DLGAP2: variants seen among roughly 807,000 people sequenced by gnomAD.
DLGAP2 encodes the protein disks large-associated protein 2.
In DLGAP2, 26 loss-of-function variants were observed where a neutral mutation model predicts 100.3. The observed-to-expected ratio is 0.26, with a 90% CI of 0.19 to 0.36. The LOEUF (loss-of-function observed/expected upper bound fraction) is 0.36. Among genes scored for constraint, DLGAP2 ranks in the 10% least tolerant of loss-of-function variants. The pLI is 1.00. For synonymous variants in DLGAP2, 886 were observed against 630.1 expected (o/e 1.41, Z -6.08); for missense variants, 1,858 against 1,453.2 (o/e 1.28, Z -4.53).
chr8:927,102 T>C, intron 2 of DLGAP2: 1 of 985,336 alleles, frequency 1.0e-6, no homozygotes, highest in Non-Finnish European at 1.2e-6. Context: ...GCCGGGATGG[T>C]AAAAGACTTC....
At chr8:1,436,967 G>A (rs894282195) in intron 3 of DLGAP2, among the ~76,000 whole-genome samples, 1 of 152,282 alleles carries the variant, frequency 6.6e-6, no homozygotes, top group African/African-American at 2.4e-5. Flanking sequence ...GGTGCAGCCT[G>A]GGAGCAGGAG....
At chr8:1,121,622 T>C (rs1796050369) in intron 2 of DLGAP2, among the ~76,000 whole-genome samples, 4 of 142,456 alleles carry the variant, frequency 2.8e-5, no homozygotes, top group Non-Finnish European at 3.1e-5. Context: ...ACTACCCATC[T>C]TCATCCCTTC....
intron 2 of DLGAP2, among the ~76,000 whole-genome samples, chr8:1,026,116 T>C (rs1407318821): frequency 1.3e-5 from 2 of 152,186 alleles, no homozygotes; most frequent in African/African-American, 4.8e-5. Context: ...GCTGCCAGTC[T>C]GGCGTCCTCG....
At chr8:781,850 A>T (rs1821695708) in intron 1 of DLGAP2, among the ~76,000 whole-genome samples, 1 of 152,154 alleles carries the variant, frequency 6.6e-6, no homozygotes, top group Admixed American at 6.5e-5. Flanking sequence ...TTGTGCTATA[A>T]TTTTTTGTTT....
intron 2 of DLGAP2, among the ~76,000 whole-genome samples, chr8:1,133,291 G>A (rs1796336294): frequency 6.6e-6 from 1 of 151,894 alleles, no homozygotes; most frequent in Non-Finnish European, 1.5e-5. Flanking sequence ...GAAAGTGGGG[G>A]GTTTCCAGTT....
chr8:1,392,806 TG>T (rs61213178), intron 3 of DLGAP2, among the ~76,000 whole-genome samples: 40,788 of 150,502 alleles, frequency 0.27, 5,657 homozygotes, highest in Middle Eastern at 0.35. Context: ...TTGAAACTCC[TG>T]GGCATCTGTG....
chr8:1,559,716 A>G lies in DLGAP2; in HGVS notation c.1231-5967A>G, dbSNP rs1802094997. 2.0e-5 allele frequency among the ~76,000 whole-genome samples: 3 copies of G among 152,224 alleles called. 1 individual carries two copies. The South Asian group carries it at 6.2e-4, about 32-fold the overall frequency. ...TGAATCTCTTCTTTGATGGCAGAGGAGCTGCTCTTCCATCTGCCACCAGCC... is the reference window on the plus strand; with the variant it reads ...TGAATCTCTTCTTTGATGGCAGAGGGGCTGCTCTTCCATCTGCCACCAGCC... On this transcript the variant is annotated intron_variant, in intron 5 of 14. Transcript: ENST00000637795.
At chr8:1,182,892 G>T (rs1797421390) in intron 2 of DLGAP2, among the ~76,000 whole-genome samples, 2 of 152,188 alleles carry the variant, frequency 1.3e-5, no homozygotes, top group African/African-American at 2.4e-5. Flanking sequence ...GCGGGGCTCA[G>T]GGGCACTCAG....
intron 8 of DLGAP2, among the ~76,000 whole-genome samples, chr8:1,637,825 G>C (rs1797804227): frequency 6.6e-6 from 1 of 152,156 alleles, no homozygotes; most frequent in Non-Finnish European, 1.5e-5. Context: ...CACACCTGCT[G>C]GGTGCTGTGA....
At chr8:1,030,658 C>CGGAATG (rs886594574) in intron 2 of DLGAP2, among the ~76,000 whole-genome samples, 6 of 152,174 alleles carry the variant, frequency 3.9e-5, no homozygotes, top group African/African-American at 1.4e-4. Context: ...TAGAACAATC[C>CGGAATG]GGAATGTGGG....
chr8:1,177,308 A>G (rs75260112), intron 2 of DLGAP2, among the ~76,000 whole-genome samples: 273 of 151,950 alleles, frequency 1.8e-3, no homozygotes, highest in African/African-American at 6.1e-3. Flanking sequence ...TTCTTGGAGT[A>G]TTTTTTGCTC....
chr8:1,434,538 A>G (rs188088190), intron 3 of DLGAP2, among the ~76,000 whole-genome samples: 132 of 152,096 alleles, frequency 8.7e-4, no homozygotes, highest in African/African-American at 3.0e-3. Flanking sequence ...GGGCAGTGGT[A>G]CAATCTTGGC....
intron 8 of DLGAP2, among the ~76,000 whole-genome samples, chr8:1,646,439 C>T (rs1319009384): frequency 3.9e-5 from 6 of 152,130 alleles, no homozygotes; most frequent in Non-Finnish European, 7.3e-5. Flanking sequence ...ATATCTCTAT[C>T]GTCTGTCCAT....
chr8:1,234,623 G>C (rs528769207), intron 2 of DLGAP2, among the ~76,000 whole-genome samples: 1 of 152,276 alleles, frequency 6.6e-6, no homozygotes, highest in South Asian at 2.1e-4. Context: ...GTTCTAGATG[G>C]TTTCAGCTCT....
At chr8:820,575 A>G (rs1327893672) in intron 1 of DLGAP2, among the ~76,000 whole-genome samples, 1 of 152,214 alleles carries the variant, frequency 6.6e-6, no homozygotes, top group African/African-American at 2.4e-5. Context: ...AGGTCCCCAG[A>G]CTCTAGGAAA....
intron 3 of DLGAP2, among the ~76,000 whole-genome samples, chr8:1,447,110 C>A (rs1020118626): frequency 1.3e-5 from 2 of 152,216 alleles, no homozygotes; most frequent in Non-Finnish European, 2.9e-5. Flanking sequence ...ATTGCCCTGG[C>A]CAGAACTTCC....
intron 2 of DLGAP2, among the ~76,000 whole-genome samples, chr8:1,208,815 G>A (rs932059946): frequency 2.6e-5 from 4 of 151,566 alleles, no homozygotes; most frequent in African/African-American, 4.8e-5. Context: ...CAATAGTGAC[G>A]GAGCTGAGAA....
intron 13 of DLGAP2, among the ~76,000 whole-genome samples, chr8:1,692,754 C>T (rs866641976): frequency 7.2e-5 from 11 of 151,776 alleles, no homozygotes; most frequent in African/African-American, 2.4e-4. Flanking sequence ...GGTAGTGAAA[C>T]GAATATACCA....
At chr8:1,620,068 A>C (rs1390666208) in intron 6 of DLGAP2, among the ~76,000 whole-genome samples, 2 of 152,184 alleles carry the variant, frequency 1.3e-5, no homozygotes, top group African/African-American at 4.8e-5. Flanking sequence ...GAAAACTCAC[A>C]GCCTTTCTCA....
Sources: allele counts gnomAD v4.1 joint callset (sites outside exome capture counted in the v4.1 genomes callset), GRCh38; gene constraint gnomAD v4.1.1; transcripts MANE v1.5; gene names NCBI Gene and HGNC (gene_info 2026-07-23, HGNC 2026-07-21).